Variants in HDAC9 observed in about 807,000 individuals in gnomAD.
The protein encoded by HDAC9 is histone deacetylase 9, also known as MEF-2 interacting transcription repressor (MITR) protein.
A neutral mutation model predicts 139.4 loss-of-function variants in HDAC9; 41 were observed. The observed-to-expected ratio is 0.29, with a 90% confidence interval of 0.23 to 0.38. The LOEUF is 0.38. Among genes scored for constraint, HDAC9 ranks in the 10% least tolerant of loss-of-function variants. The pLI is 1.00. For synonymous variants in HDAC9, 517 were observed against 476.2 expected (o/e 1.09, Z -1.12); for missense variants, 1,147 against 1,297.0 (o/e 0.88, Z 1.78).
intron 1 of HDAC9, among the ~76,000 whole-genome samples, chr7:18,375,714 G>A (rs995469272): frequency 3.9e-5 from 6 of 152,090 alleles, no homozygotes; most frequent in African/African-American, 1.4e-4. Context: ...GCCTGGGTTA[G>A]TGGTGGCCCT....
rs145757777 is a variant in HDAC9 at position 18,582,388 on chromosome 7, A to T, written c.23-2893A>T. Among the ~76,000 whole-genome samples the T allele has an allele frequency of 3.9e-3, 599 of 152,290 alleles. 5 individuals are homozygous for T. Among genetic ancestry groups the T allele is most frequent in the African/African-American group, 0.014 (588 of 41,558 alleles). On this transcript the variant is annotated intron_variant, in intron 2 of 25. Coordinates refer to ENST00000686413, the MANE Select transcript of HDAC9 (RefSeq NM_178425.4). Reference sequence around the variant, plus strand: ...ACTAATATGATTTAAAAACCGTGGTAGAATATGTGCTCGATAAGGGCTGGA... The same window carrying T: ...ACTAATATGATTTAAAAACCGTGGTTGAATATGTGCTCGATAAGGGCTGGA...
chr7:18,908,381 T>C (rs1285246800), intron 22 of HDAC9, among the ~76,000 whole-genome samples: 2 of 152,152 alleles, frequency 1.3e-5, no homozygotes, highest in African/African-American at 4.8e-5. Flanking sequence ...GCTTATCATT[T>C]CTTTGTGATG....
At chr7:18,195,565 G>A (rs1790666051) in intron 2 of HDAC9, among the ~76,000 whole-genome samples, 1 of 152,064 alleles carries the variant, frequency 6.6e-6, no homozygotes, top group Non-Finnish European at 1.5e-5. Context: ...CAGTGATAAG[G>A]GACAAACACA....
chr7:18,289,086 G>A (rs1443135009), upstream of HDAC9, among the ~76,000 whole-genome samples: 1 of 152,150 alleles, frequency 6.6e-6, no homozygotes, highest in Non-Finnish European at 1.5e-5. Flanking sequence ...AGGGACTAAA[G>A]CCAGAGTCAT....
chr7:18,570,069 A>G (rs369375042), intron 2 of HDAC9, among the ~76,000 whole-genome samples: 52 of 152,282 alleles, frequency 3.4e-4, no homozygotes, highest in African/African-American at 1.1e-3. Flanking sequence ...ATATAACCCA[A>G]TGGGATTTAG....
intron 5 of HDAC9, 109 bp from the exon 6 acceptor site, chr7:18,593,799 G>A: frequency 1.8e-6 from 2 of 1,141,572 alleles, no homozygotes; most frequent in East Asian, 2.4e-5. Flanking sequence ...TAAGGAGAAA[G>A]AGCATAAACA....
chr7:18,900,946 C>T (rs959511952), intron 22 of HDAC9, among the ~76,000 whole-genome samples: 20 of 151,892 alleles, frequency 1.3e-4, no homozygotes, highest in African/African-American at 4.4e-4. Context: ...AATGGATGGA[C>T]CCCGCCCCTT....
intron 1 of HDAC9, among the ~76,000 whole-genome samples, chr7:18,329,974 C>T (rs1001599904): frequency 4.1e-5 from 4 of 96,940 alleles, no homozygotes; most frequent in African/African-American, 1.6e-4. Context: ...CATTCTAAGG[C>T]TTGTGTGTAT....
At chr7:18,353,074 A>G (rs747876993) in intron 1 of HDAC9, among the ~76,000 whole-genome samples, 1 of 152,174 alleles carries the variant, frequency 6.6e-6, no homozygotes, top group Non-Finnish European at 1.5e-5. Context: ...TTCATGTGCT[A>G]TTGTATTACA....
At chr7:18,951,745 T>C (rs1455113302) in intron 23 of HDAC9, among the ~76,000 whole-genome samples, 1 of 148,828 alleles carries the variant, frequency 6.7e-6, no homozygotes, top group Admixed American at 6.7e-5. Flanking sequence ...TTATAAAAAA[T>C]GAATATTTAA....
At chr7:18,501,565 A>C (rs1414449169) in intron 2 of HDAC9, among the ~76,000 whole-genome samples, 1 of 152,204 alleles carries the variant, frequency 6.6e-6, no homozygotes, top group Non-Finnish European at 1.5e-5. Context: ...AAATTCAGTT[A>C]AGTTTAATTT....
chr7:18,745,824 G>T (rs572995023), intron 13 of HDAC9, among the ~76,000 whole-genome samples: 5 of 150,958 alleles, frequency 3.3e-5, no homozygotes, highest in Admixed American at 3.3e-4. Context: ...GGGATTACAG[G>T]CGTGAGCCAC....
intron 22 of HDAC9, among the ~76,000 whole-genome samples, chr7:18,898,763 G>T (rs1437027308): frequency 6.6e-6 from 1 of 151,850 alleles, no homozygotes; most frequent in Non-Finnish European, 1.5e-5. Context: ...TGATTTAGTT[G>T]ATTGGTGTGA....
chr7:18,791,651 G>A (rs1030497720), intron 16 of HDAC9, among the ~76,000 whole-genome samples: 2 of 152,118 alleles, frequency 1.3e-5, no homozygotes, highest in African/African-American at 4.8e-5. Flanking sequence ...AGAAAGCACG[G>A]GTTTCTTCAG....
chr7:18,822,691 G>C (rs985667031), intron 17 of HDAC9, among the ~76,000 whole-genome samples: 6 of 152,204 alleles, frequency 3.9e-5, no homozygotes, highest in Non-Finnish European at 8.8e-5. Context: ...ACAGAGACCA[G>C]ATCAGGCAGT....
At chr7:18,527,821 G>T (rs1034538929) in intron 2 of HDAC9, among the ~76,000 whole-genome samples, 12 of 151,986 alleles carry the variant, frequency 7.9e-5, no homozygotes, top group African/African-American at 1.5e-4. Flanking sequence ...TACAGAAGTT[G>T]TTTAAAGTTC....
intron 1 of HDAC9, among the ~76,000 whole-genome samples, chr7:18,370,341 A>G (rs1404798720): frequency 6.6e-6 from 1 of 152,164 alleles, no homozygotes; most frequent in East Asian, 1.9e-4. Flanking sequence ...CATATTCTAA[A>G]ATCAACATGA....
intron 1 of HDAC9, among the ~76,000 whole-genome samples, chr7:18,442,399 A>G (rs1225343999): frequency 6.6e-6 from 1 of 152,166 alleles, no homozygotes; most frequent in African/African-American, 2.4e-5. Flanking sequence ...GTGACCAAAT[A>G]TTTATTTCCC....
At chr7:18,197,517 C>T (rs1790810842) in intron 2 of HDAC9, among the ~76,000 whole-genome samples, 1 of 152,114 alleles carries the variant, frequency 6.6e-6, no homozygotes, top group Non-Finnish European at 1.5e-5. Flanking sequence ...ATCTTTGAAT[C>T]ATCTACAAGT....
Sources: gnomAD v4.1 joint callset for allele counts (sites outside exome capture counted in the v4.1 genomes callset) on GRCh38, gnomAD v4.1.1 for gene constraint, MANE v1.5 for transcripts, NCBI Gene and HGNC (gene_info 2026-07-23, HGNC 2026-07-21) for gene names.